The following YOD1 variants were observed in gnomAD, a reference collection of about 807,000 sequenced individuals.
YOD1 encodes ubiquitin thioesterase OTU1.
In YOD1, 17 loss-of-function variants were observed where a neutral mutation model predicts 23.7. The observed-to-expected ratio is 0.72, with a 90% confidence interval of 0.49 to 1.07. The LOEUF (loss-of-function observed/expected upper bound fraction) is 1.07, where lower values mean the gene tolerates loss of function less well. Ranked by LOEUF, YOD1 falls within the 50% of genes least tolerant of loss-of-function variation. The pLI is 0.00. For missense variants in YOD1, 413 were observed against 447.2 expected, an observed-to-expected ratio of 0.92 and a Z score of 0.69; for synonymous variants, 191 against 169.6, an observed-to-expected ratio of 1.13 and a Z score of -0.98.
In YOD1 at chr1:207,047,521, TAAAAA is replaced by T. The variant is rs1285130482; in HGVS notation, c.*1494_*1498del. On this transcript the variant is annotated 3_prime_UTR_variant, in exon 2 of 2. Transcript: ENST00000315927. ...CTGAATTTCTAAGTGAGATACTTAA[TAAAAA>T]AGAGACCAAAATAACAAAACTTCAC... is the stretch of plus-strand genomic sequence containing the variant. 3 of 152,598 alleles carry T rather than the reference TAAAAA, an allele frequency of 2.0e-5. No individual in the cohort carries two copies. Among genetic ancestry groups the T allele is most frequent in the African/African-American group, 7.2e-5 (3 of 41,456 alleles). The allele number at this position is 152,598 out of a possible 1,614,324, so 9.5% of individuals were successfully genotyped here.
chr1:207,049,570 T>C lies in YOD1; in HGVS notation c.497A>G (p.Tyr166Cys), dbSNP rs772977018. ...ADNSCLFTSV[Y>C]YVVEGGVLNP... ...CAAGACTCCTCCTTCGACGACATAGTACACACTAGTAAAGAGGCAAGAGTT... is the reference window on the plus strand; with the variant it reads ...CAAGACTCCTCCTTCGACGACATAGCACACACTAGTAAAGAGGCAAGAGTT... The change falls in exon 2 of 2, where the codon TAC (tyrosine) becomes TGC (cysteine). Residue 166 changes from tyrosine (Y) to cysteine (C), a missense_variant. By Grantham distance (194) the Tyr-to-Cys change is radical. Coordinates refer to ENST00000315927, the MANE Select transcript of YOD1 (RefSeq NM_018566.4). The C allele has an allele frequency of 6.2e-7, 1 of 1,614,172 alleles. No homozygotes were observed.
At chr1:207,051,848 G>T (rs1263503081), upstream of YOD1, among the ~76,000 whole-genome samples, 1 of 152,142 alleles carries the variant, frequency 6.6e-6, no homozygotes, top group African/African-American at 2.4e-5. Flanking sequence ...ACTGTGCCTC[G>T]CAAATAAAAA....
At position 207,050,938 on chromosome 1, in the gene YOD1, A is replaced by C. The variant is rs755597834; in HGVS notation, c.93T>G (p.Ala31=). Residue 31 remains alanine, a synonymous_variant, in exon 1 of 2, where the codon GCT becomes GCG. Coordinates refer to ENST00000315927, the MANE Select transcript of YOD1 (RefSeq NM_018566.4). ...GVSQQAAGTK[A]GPAGAWPVGS... is the part of the protein sequence containing the mutation. The stretch of plus-strand genomic sequence containing the variant: ...CCACAGGCCAGGCACCCGCGGGGCC[A>C]GCTTTGGTCCCGGCAGCCTGTTGGG... 1 of 1,582,744 alleles carries C rather than the reference A, an allele frequency of 6.3e-7. No homozygotes were observed. The highest frequency in any genetic ancestry group is 1.1e-5 in the South Asian group (1 of 88,706).
At position 207,051,041 on chromosome 1, in the gene YOD1, T is replaced by A; in HGVS notation, c.-11A>T. The A allele has an allele frequency of 1.3e-6, 2 of 1,491,170 alleles. No homozygotes were observed. The highest frequency in any genetic ancestry group is 1.9e-4 in the Middle Eastern group (1 of 5,328). The allele number at this position is 1,491,170 out of a possible 1,614,324, so 92.4% of individuals were successfully genotyped here. A position where few individuals can be genotyped will look rare whatever the true frequency, so the allele number is the denominator to read the frequency against. ...AGCGGGGCCAAACATCGCGAGAAGT[T>A]GCGGGTGGTTGCAGTTATCGCGACG... On this transcript the variant is annotated 5_prime_UTR_variant, in exon 1 of 2. Transcript: ENST00000315927.
upstream of YOD1, among the ~76,000 whole-genome samples, chr1:207,051,920 C>G (rs1682761888): frequency 6.6e-6 from 1 of 152,212 alleles, no homozygotes; most frequent in African/African-American, 2.4e-5. Context: ...GAGAGGGCAA[C>G]TAGAGCACTC....
In YOD1 at chr1:207,047,187, GC is replaced by G. The variant is rs1682620817; in HGVS notation, c.*1832del. 6.6e-6 allele frequency: 1 copy of G among 152,472 alleles called. No homozygotes were observed. Among genetic ancestry groups the G allele is most frequent in the African/African-American group, 2.4e-5 (1 of 41,424 alleles). The allele number at this position is 152,472 out of a possible 1,614,324, so 9.4% of individuals were successfully genotyped here. A position where few individuals can be genotyped will look rare whatever the true frequency, so the allele number is the denominator to read the frequency against. ...GATTGCCAAACATTAAGTATCATAAGCTCATCAGTGCTATTTTTAAGGCTCA... is the reference window on the plus strand; with the variant it reads ...GATTGCCAAACATTAAGTATCATAAGTCATCAGTGCTATTTTTAAGGCTCA... On this transcript the variant is annotated 3_prime_UTR_variant, in exon 2 of 2. Coordinates refer to ENST00000315927, the MANE Select transcript of YOD1 (RefSeq NM_018566.4).
chr1:207,046,678 T>C lies in YOD1; in HGVS notation c.*2342A>G, dbSNP rs1682606343. 6.6e-6 allele frequency: 1 copy of C among 152,122 alleles called. No homozygotes were observed. Among genetic ancestry groups the C allele is most frequent in the Non-Finnish European group, 1.5e-5 (1 of 67,942 alleles). 9.4% of individuals were successfully genotyped at this position (152,122 alleles called of 1,614,324 possible). On this transcript the variant is annotated 3_prime_UTR_variant, in exon 2 of 2. Coordinates refer to ENST00000315927, the MANE Select transcript of YOD1 (RefSeq NM_018566.4). ...GAAATAAGATCCCCTGAATAAATAC[T>C]TGACACTTAATATGTAAACAAAGCC...
rs1478225592 is a variant in YOD1 at position 207,047,695 on chromosome 1, G to T, written c.*1325C>A. ...TAAGTTTTAGAGGGTGTGCCTTGCG[G>T]ATTAGTCCACTAAGCAAATGGCTAC... is the stretch of plus-strand genomic sequence containing the variant. On this transcript the variant is annotated 3_prime_UTR_variant, in exon 2 of 2. Coordinates refer to ENST00000315927, the MANE Select transcript of YOD1 (RefSeq NM_018566.4). The T allele has an allele frequency of 6.6e-6, 1 of 152,636 alleles. No homozygotes were observed. Among genetic ancestry groups the T allele is most frequent in the East Asian group, 1.9e-4 (1 of 5,208 alleles). The allele number at this position is 152,636 out of a possible 1,614,324, so 9.5% of individuals were successfully genotyped here. A position where few individuals can be genotyped will look rare whatever the true frequency, so the allele number is the denominator to read the frequency against.
At position 207,048,191 on chromosome 1, in the gene YOD1, T is replaced by C. The variant is rs562378482; in HGVS notation, c.*829A>G. On this transcript the variant is annotated 3_prime_UTR_variant, in exon 2 of 2. Coordinates refer to ENST00000315927, the MANE Select transcript of YOD1 (RefSeq NM_018566.4). ...ATGTGACAAAGACCAATACATGAAT[T>C]GCATTAAAACACGAGGCCAACGGTC... 1.3e-4 allele frequency: 20 copies of C among 152,780 alleles called. 2 individuals are homozygous for C. The South Asian group carries it at 4.1e-3, about 32-fold the overall frequency. 9.5% of individuals were successfully genotyped at this position (152,780 alleles called of 1,614,324 possible).
At chr1:207,052,079 C>T (rs1467663005), upstream of YOD1, 3 of 893,142 alleles carry the variant, frequency 3.4e-6, no homozygotes, top group East Asian at 2.4e-5. Context: ...TTTATCCAGC[C>T]GGGATTCAGA....
rs1682728881 is a variant in YOD1, at chr1:207,050,892, A to G, written c.139T>C (p.Trp47Arg). Reference protein sequence around the residue: ...WPVGSRTDTMWRLRCKAKDGT... With the variant: ...WPVGSRTDTMRRLRCKAKDGT... ...TCCTTGGCCTTGCAGCGGAGCCGCCACATCGTGTCGGTCCGGCTGCCCACA... is the reference window on the plus strand; with the variant it reads ...TCCTTGGCCTTGCAGCGGAGCCGCCGCATCGTGTCGGTCCGGCTGCCCACA... The change falls in exon 1 of 2, where the codon TGG becomes CGG. Residue 47 changes from tryptophan (W) to arginine (R), a missense_variant. Physicochemically the swap from Trp to Arg is moderately radical, Grantham distance 101. Coordinates refer to ENST00000315927, the MANE Select transcript of YOD1 (RefSeq NM_018566.4). 1.2e-6 allele frequency: 2 copies of G among 1,608,746 alleles called. No individual in the cohort carries two copies. The highest frequency in any genetic ancestry group is 2.2e-5 in the East Asian group (1 of 44,692).
Position 207,049,554 on chromosome 1 carries a change from T to C in YOD1, c.513A>G (p.Gly171=). 1 of 1,614,168 alleles carries C rather than the reference T, an allele frequency of 6.2e-7. No homozygotes were observed. The highest frequency in any genetic ancestry group is 8.5e-7 in the Non-Finnish European group (1 of 1,180,040). ...GGGCACAAGCTGGATTCAAGACTCC[T>C]CCTTCGACGACATAGTACACACTAG... ...LFTSVYYVVE[G]GVLNPACAPE... is the part of the protein sequence containing the mutation. Residue 171 remains glycine (G), a synonymous_variant, in exon 2 of 2, where the codon GGA becomes GGG. Coordinates refer to ENST00000315927, the MANE Select transcript of YOD1 (RefSeq NM_018566.4).
intron 1 of YOD1, 145 bp downstream of exon 1, chr1:207,050,541 TTC>T: frequency 2.0e-6 from 2 of 1,024,794 alleles, no homozygotes; most frequent in Non-Finnish European, 2.8e-6. Flanking sequence ...CCCGTCAGCA[TTC>T]TCTGTTCTTT....
chr1:207,049,127 T>C lies in YOD1; in HGVS notation c.940A>G (p.Asn314Asp), dbSNP rs748457386. 1.2e-6 allele frequency: 2 copies of C among 1,614,042 alleles called. No individual in the cohort carries two copies. Among genetic ancestry groups the C allele is most frequent in the Non-Finnish European group, 1.7e-6 (2 of 1,180,014 alleles). The stretch of plus-strand genomic sequence containing the variant: ...ACCATGCATCTCAGGGTGAAGCGGT[T>C]GACATCAGTAAACTGTCTCCTTCTT... Reference protein sequence around the residue: ...ARRRRQFTDVNRFTLRCMVCQ... With the variant: ...ARRRRQFTDVDRFTLRCMVCQ... The change falls in exon 2 of 2, where the codon AAC becomes GAC. Residue 314 changes from asparagine (N) to aspartate (D), a missense_variant. Physicochemically the swap from Asn to Asp is conservative, Grantham distance 23. Coordinates refer to ENST00000315927, the MANE Select transcript of YOD1 (RefSeq NM_018566.4).
At chr1:207,049,799 A>G in intron 1 of YOD1, 76 bp from the exon 2 acceptor site, 1 of 1,369,148 alleles carries the variant, frequency 7.3e-7, no homozygotes, top group Non-Finnish European at 9.9e-7. Context: ...CAAGTCTGTA[A>G]ATTACAAACT....
At position 207,047,923 on chromosome 1, in the gene YOD1, G is replaced by A. The variant is rs1682637187; in HGVS notation, c.*1097C>T. 1 of 152,174 alleles carries A rather than the reference G, an allele frequency of 6.6e-6. No homozygotes were observed. Among genetic ancestry groups the A allele is most frequent in the South Asian group, 2.1e-4 (1 of 4,830 alleles). 9.4% of individuals were successfully genotyped at this position (152,174 alleles called of 1,614,324 possible). A position where few individuals can be genotyped will look rare whatever the true frequency, so the allele number is the denominator to read the frequency against. ...TGAAATTATTTAAAATAACTTTAGT[G>A]GAGGGATAAGGCTAGCACAAAAGCA... is the stretch of plus-strand genomic sequence containing the variant. On this transcript the variant is annotated 3_prime_UTR_variant, in exon 2 of 2. Transcript: ENST00000315927.
rs1682735934 is a variant in YOD1, at chr1:207,051,013, T to G, written c.18A>C (p.Lys6Asn). 2.6e-6 allele frequency: 4 copies of G among 1,514,484 alleles called. No homozygotes were observed. Among genetic ancestry groups the G allele is most frequent in the Non-Finnish European group, 3.5e-6 (4 of 1,131,030 alleles). The allele number at this position is 1,514,484 out of a possible 1,614,324, so 93.8% of individuals were successfully genotyped here. The change falls in exon 1 of 2, where the codon AAA (lysine) becomes AAC (asparagine). Residue 6 changes from lysine (K) to asparagine (N), a missense_variant. Transcript: ENST00000315927. ...CCGGGTGGACTCCAAAATGGCGACCTTTAGCGGGGCCAAACATCGCGAGAA... is the reference window on the plus strand; with the variant it reads ...CCGGGTGGACTCCAAAATGGCGACCGTTAGCGGGGCCAAACATCGCGAGAA... MFGPA[K>N]GRHFGVHPAP...
chr1:207,051,525 C>T (rs1042972570), upstream of YOD1, among the ~76,000 whole-genome samples: 5 of 152,228 alleles, frequency 3.3e-5, no homozygotes, highest in African/African-American at 1.2e-4. Flanking sequence ...TTCTGCCTCC[C>T]TGGGACTGTG....
In YOD1 at chr1:207,044,421, T is replaced by TA. The variant is rs1218962626; in HGVS notation, c.*4598dup. ...AGGTCCCCTGGTCCTTTAAGTAACT[T>TA]ACGGGCTAATTACATAGCCTATACC... is the stretch of plus-strand genomic sequence containing the variant. On this transcript the variant is annotated 3_prime_UTR_variant, in exon 2 of 2. Coordinates refer to ENST00000315927, the MANE Select transcript of YOD1 (RefSeq NM_018566.4). 2 of 152,568 alleles carry TA rather than the reference T, an allele frequency of 1.3e-5. No individual in the cohort carries two copies. The highest frequency in any genetic ancestry group is 4.8e-5 in the African/African-American group (2 of 41,450). The allele number at this position is 152,568 out of a possible 1,614,324, so 9.5% of individuals were successfully genotyped here.
Sources: gnomAD v4.1 joint callset for allele counts (sites outside exome capture counted in the v4.1 genomes callset) on GRCh38, gnomAD v4.1.1 for gene constraint, MANE v1.5 for transcripts, NCBI Gene and HGNC (gene_info 2026-07-23, HGNC 2026-07-21) for gene names.